SLIT3: variants seen among roughly 807,000 people sequenced by gnomAD.
SLIT3 encodes the protein slit guidance ligand 3.
SLIT3 carries 68 observed loss-of-function variants against 184.0 expected under a neutral mutation model. The observed-to-expected ratio is 0.37, with a 90% CI of 0.30 to 0.45. The LOEUF is 0.45. Ranked by LOEUF, SLIT3 falls within the 20% of genes least tolerant of loss-of-function variation. The pLI is 1.00. For missense variants in SLIT3, 1,707 were observed against 2,026.0 expected (o/e 0.84, Z 3.02); for synonymous variants, 831 against 828.6 (o/e 1.00, Z -0.05).
At chr5:168,975,311 C>T (rs575730925) in intron 4 of SLIT3, among the ~76,000 whole-genome samples, 12 of 152,322 alleles carry the variant, frequency 7.9e-5, no homozygotes, top group East Asian at 1.9e-4. Context: ...TCCTAGTGAA[C>T]TCTGCTTCTG....
chr5:168,673,609 C>G (rs1761321843), intron 32 of SLIT3, among the ~76,000 whole-genome samples: 1 of 152,208 alleles, frequency 6.6e-6, no homozygotes, highest in South Asian at 2.1e-4. Context: ...ACATACATTA[C>G]AGCCCTTTAT....
intron 9 of SLIT3, among the ~76,000 whole-genome samples, chr5:168,800,441 G>A (rs1481455387): frequency 6.6e-6 from 1 of 152,170 alleles, no homozygotes; most frequent in East Asian, 1.9e-4. Flanking sequence ...AAAAAAATTA[G>A]CTGGGCATGG....
intron 33 of SLIT3, 109 bp from the exon 34 acceptor site, chr5:168,671,592 C>T (rs763359065): frequency 2.0e-5 from 25 of 1,254,584 alleles, no homozygotes; most frequent in Non-Finnish European, 2.5e-5. Flanking sequence ...CTCTGGGCCT[C>T]TGCTGTTCAA....
At chr5:168,992,064 G>A (rs1484864212) in intron 4 of SLIT3, among the ~76,000 whole-genome samples, 4 of 152,230 alleles carry the variant, frequency 2.6e-5, no homozygotes, top group Non-Finnish European at 5.9e-5. Context: ...TAATTTTCCT[G>A]AAAACAAGCA....
At chr5:168,937,586 T>A (rs1762199364) in intron 4 of SLIT3, among the ~76,000 whole-genome samples, 1 of 152,070 alleles carries the variant, frequency 6.6e-6, no homozygotes, top group Non-Finnish European at 1.5e-5. Context: ...GCATTGGCCT[T>A]GTGCGGCGGA....
chr5:168,964,431 G>T (rs370544856), intron 4 of SLIT3, among the ~76,000 whole-genome samples: 1 of 152,132 alleles, frequency 6.6e-6, no homozygotes, highest in East Asian at 1.9e-4. Flanking sequence ...AGAAAGCCTG[G>T]GGCATAGTTT....
intron 7 of SLIT3, among the ~76,000 whole-genome samples, 182 bp downstream of exon 7, chr5:168,823,078 C>T (rs1581118445): frequency 6.6e-6 from 1 of 152,302 alleles, no homozygotes; most frequent in East Asian, 1.9e-4. Flanking sequence ...GGCACCATGA[C>T]CTGACTCTAC....
At chr5:168,733,030 G>A (rs1763333388) in intron 20 of SLIT3, among the ~76,000 whole-genome samples, 1 of 151,794 alleles carries the variant, frequency 6.6e-6, no homozygotes, top group Non-Finnish European at 1.5e-5. Flanking sequence ...CAACCTGCAG[G>A]ATGGGAAAAA....
chr5:169,212,325 G>C (rs902196526), intron 3 of SLIT3, among the ~76,000 whole-genome samples: 2 of 152,194 alleles, frequency 1.3e-5, no homozygotes, highest in African/African-American at 4.8e-5. Flanking sequence ...ACTGGCATGA[G>C]ATGGTATCTC....
chr5:169,020,117 T>C (rs188893484), intron 4 of SLIT3, among the ~76,000 whole-genome samples: 4 of 149,098 alleles, frequency 2.7e-5, no homozygotes, highest in Admixed American at 1.4e-4. Context: ...AGGTGAGTGG[T>C]TAAGAGAGAA....
At chr5:169,194,675 T>C (rs1319193438) in intron 3 of SLIT3, among the ~76,000 whole-genome samples, 1 of 152,200 alleles carries the variant, frequency 6.6e-6, no homozygotes, top group African/African-American at 2.4e-5. Context: ...GGTGGAGAAG[T>C]AGGCCCTGGG....
At chr5:168,959,618 G>C (rs1762942195) in intron 4 of SLIT3, among the ~76,000 whole-genome samples, 1 of 152,212 alleles carries the variant, frequency 6.6e-6, no homozygotes, top group African/African-American at 2.4e-5. Context: ...CTCCAGAACA[G>C]AACTTCAGGT....
intron 1 of SLIT3, among the ~76,000 whole-genome samples, chr5:169,299,571 T>G (rs1334683314): frequency 6.6e-6 from 1 of 151,718 alleles, no homozygotes; most frequent in East Asian, 1.9e-4. Context: ...CCAGCGTTTC[T>G]CCCCCACTCC....
intron 4 of SLIT3, among the ~76,000 whole-genome samples, chr5:168,951,306 A>C (rs1290150979): frequency 6.6e-6 from 1 of 152,226 alleles, no homozygotes; most frequent in Non-Finnish European, 1.5e-5. Context: ...AGCACATCTA[A>C]GCCATGGGGG....
chr5:169,019,113 G>A (rs567720235), intron 4 of SLIT3, among the ~76,000 whole-genome samples: 3 of 152,204 alleles, frequency 2.0e-5, no homozygotes, highest in Admixed American at 6.5e-5. Flanking sequence ...GCTGCATCCT[G>A]GGAAGGAGAA....
chr5:169,239,294 A>AT (rs1223752286), intron 3 of SLIT3, among the ~76,000 whole-genome samples: 1 of 151,970 alleles, frequency 6.6e-6, no homozygotes, highest in African/African-American at 2.4e-5. Context: ...ATTGGTTTAT[A>AT]TTTTTTTCTT....
intron 3 of SLIT3, among the ~76,000 whole-genome samples, chr5:169,194,153 T>C (rs548163547): frequency 7.0e-6 from 1 of 142,320 alleles, no homozygotes; most frequent in East Asian, 2.0e-4. Context: ...GAGAATCGCT[T>C]GAACCCAGGA....
At chr5:169,206,799 A>G (rs908142130) in intron 3 of SLIT3, among the ~76,000 whole-genome samples, 1 of 152,228 alleles carries the variant, frequency 6.6e-6, no homozygotes, top group African/African-American at 2.4e-5. Context: ...GGCATAAGCC[A>G]AAGAACGTAG....
intron 8 of SLIT3, among the ~76,000 whole-genome samples, chr5:168,816,071 G>A (rs867939461): frequency 2.0e-5 from 3 of 152,110 alleles, no homozygotes; most frequent in Admixed American, 6.6e-5. Context: ...TGTTTTTTTA[G>A]GAAGTCAAGG....
Sources: allele counts gnomAD v4.1 joint callset (sites outside exome capture counted in the v4.1 genomes callset), GRCh38; gene constraint gnomAD v4.1.1; transcripts MANE v1.5; gene names NCBI Gene and HGNC (gene_info 2026-07-23, HGNC 2026-07-21).